The following DCLK2 variants were observed in gnomAD, a reference collection of about 807,000 sequenced individuals.
The protein encoded by DCLK2 is serine/threonine-protein kinase DCLK2.
In DCLK2, 31 loss-of-function variants were observed where a neutral mutation model predicts 78.4. The observed-to-expected ratio is 0.40, with a 90% CI of 0.30 to 0.53. DCLK2 has a LOEUF of 0.53. DCLK2 is among the 20% of genes least tolerant of loss of function. The pLI is 0.61. For synonymous variants in DCLK2, 407 were observed against 374.9 expected, an observed-to-expected ratio of 1.09 and a Z score of -0.99; for missense variants, 872 against 973.7, an observed-to-expected ratio of 0.90 and a Z score of 1.39.
chr4:150,247,839 C>A, intron 13 of DCLK2, 140 bp downstream of exon 13: 1 of 664,266 alleles, frequency 1.5e-6, no homozygotes, highest in Non-Finnish European at 2.5e-6. Flanking sequence ...AAGTTTATCC[C>A]ATGGTATGGT....
At chr4:150,131,650 A>G (rs1733322830) in intron 2 of DCLK2, among the ~76,000 whole-genome samples, 2 of 152,058 alleles carry the variant, frequency 1.3e-5, no homozygotes. Flanking sequence ...TACTGGAGAG[A>G]CTGGGTCCCA....
intron 2 of DCLK2, among the ~76,000 whole-genome samples, chr4:150,172,764 G>GTTTT (rs747350294): frequency 0.12 from 14,995 of 127,994 alleles, 1,082 homozygotes; most frequent in African/African-American, 0.19. Context: ...TTTTTTTGGG[G>GTTTT]GGGGGGGGGA....
intron 1 of DCLK2, among the ~76,000 whole-genome samples, chr4:150,101,817 C>T (rs28489242): frequency 0.38 from 57,162 of 151,958 alleles, 10,995 homozygotes; most frequent in Non-Finnish European, 0.42. Context: ...TAAGTAGATA[C>T]AGAAAAGCGT....
intron 1 of DCLK2, among the ~76,000 whole-genome samples, chr4:150,100,058 G>A (rs1354769138): frequency 2.0e-5 from 3 of 152,116 alleles, no homozygotes; most frequent in African/African-American, 7.2e-5. Flanking sequence ...GACTACAGAT[G>A]TGTGCCACCA....
At chr4:150,190,494 T>G (rs1233404599) in intron 2 of DCLK2, among the ~76,000 whole-genome samples, 1 of 152,126 alleles carries the variant, frequency 6.6e-6, no homozygotes, top group Admixed American at 6.5e-5. Context: ...CTGATAAATG[T>G]TACAACATGG....
intron 2 of DCLK2, among the ~76,000 whole-genome samples, chr4:150,142,877 G>A (rs1409239280): frequency 1.3e-5 from 2 of 151,326 alleles, no homozygotes; most frequent in Non-Finnish European, 2.9e-5. Context: ...GTTGTATAAT[G>A]GTGGGGATTG....
At chr4:150,122,718 A>T (rs971102813) in intron 2 of DCLK2, among the ~76,000 whole-genome samples, 2 of 152,234 alleles carry the variant, frequency 1.3e-5, no homozygotes, top group South Asian at 4.1e-4. Context: ...AAACCTGCAC[A>T]TTCTGCACAT....
intron 2 of DCLK2, among the ~76,000 whole-genome samples, chr4:150,172,749 C>T (rs371100490): frequency 1.1e-4 from 10 of 91,682 alleles, no homozygotes; most frequent in Admixed American, 2.3e-4. Flanking sequence ...AGAGAGTGTT[C>T]TTTTTTTTTT....
chr4:150,250,262 G>A (rs1044831018), intron 15 of DCLK2, among the ~76,000 whole-genome samples: 1 of 152,044 alleles, frequency 6.6e-6, no homozygotes, highest in African/African-American at 2.4e-5. Flanking sequence ...ATTTTTTTCA[G>A]CCTTTTCTTC....
At chr4:150,148,893 C>G (rs1031096968) in intron 2 of DCLK2, among the ~76,000 whole-genome samples, 2 of 151,522 alleles carry the variant, frequency 1.3e-5, no homozygotes, top group African/African-American at 2.4e-5. Flanking sequence ...ATTAGCCAGG[C>G]GTGGTGGTGC....
intron 2 of DCLK2, among the ~76,000 whole-genome samples, chr4:150,111,754 T>C (rs1200841416): frequency 6.6e-5 from 10 of 152,086 alleles, no homozygotes; most frequent in Admixed American, 6.5e-4. Flanking sequence ...CCCCAGTGTA[T>C]GCTTTGTCAA....
At chr4:150,189,242 C>CA (rs11448649) in intron 2 of DCLK2, among the ~76,000 whole-genome samples, 127,469 of 151,186 alleles carry the variant, frequency 0.84, 54,616 homozygotes, top group Middle Eastern at 0.95. Context: ...TTTATTTGGC[C>CA]AAAAAAAATA....
intron 5 of DCLK2, among the ~76,000 whole-genome samples, chr4:150,214,908 G>A (rs1740572296): frequency 1.4e-5 from 2 of 147,506 alleles, no homozygotes; most frequent in African/African-American, 5.0e-5. Context: ...GTTGCAGTGA[G>A]CAGAGATCGT....
At chr4:150,110,920 A>G (rs917924994) in intron 2 of DCLK2, among the ~76,000 whole-genome samples, 3 of 152,162 alleles carry the variant, frequency 2.0e-5, no homozygotes, top group African/African-American at 4.8e-5. Context: ...TGTCTTTGCA[A>G]TTGTGAATTG....
At chr4:150,166,130 C>T (rs185715910) in intron 2 of DCLK2, among the ~76,000 whole-genome samples, 10 of 152,184 alleles carry the variant, frequency 6.6e-5, no homozygotes, top group South Asian at 6.2e-4. Context: ...ACCAGGTGTC[C>T]GAGTTTGGAT....
chr4:150,193,067 C>A, intron 2 of DCLK2, 71 bp from the exon 3 acceptor site: 1 of 905,780 alleles, frequency 1.1e-6, no homozygotes, highest in East Asian at 2.5e-5. Context: ...CTTAAAAATT[C>A]ATTTAGTTTT....
chr4:150,151,936 A>AT (rs60895238), intron 2 of DCLK2, among the ~76,000 whole-genome samples: 13 of 149,966 alleles, frequency 8.7e-5, no homozygotes, highest in South Asian at 4.2e-4. Flanking sequence ...AAAAAAAAAA[A>AT]TAATAATAAT....
At chr4:150,253,525 G>C in intron 15 of DCLK2, 1 of 1,289,680 alleles carries the variant, frequency 7.8e-7, no homozygotes, top group Non-Finnish European at 1.0e-6. Context: ...TTACCCCGCT[G>C]AGACAGTGGG....
At chr4:150,112,068 TATG>T (rs1318046981) in intron 2 of DCLK2, among the ~76,000 whole-genome samples, 1 of 152,132 alleles carries the variant, frequency 6.6e-6, no homozygotes, top group Non-Finnish European at 1.5e-5. Flanking sequence ...ATATGATCAT[TATG>T]ATAATATTCT....
Sources: allele counts gnomAD v4.1 joint callset (sites outside exome capture counted in the v4.1 genomes callset), GRCh38; gene constraint gnomAD v4.1.1; transcripts MANE v1.5; gene names NCBI Gene and HGNC (gene_info 2026-07-23, HGNC 2026-07-21).